The following CSMD1 variants were observed in gnomAD, a reference collection of about 807,000 sequenced individuals.
CSMD1 encodes the protein CUB and sushi domain-containing protein 1.
CSMD1 carries 213 observed loss-of-function variants against 417.5 expected under a neutral mutation model. The ratio of observed to expected loss-of-function variants is 0.51; its 90% CI spans 0.46 to 0.57. CSMD1 has a LOEUF of 0.57. Ranked by LOEUF, CSMD1 falls within the 20% of genes least tolerant of loss-of-function variation. The pLI, the probability that CSMD1 is intolerant of heterozygous loss-of-function variation, is 0.00. For missense variants in CSMD1, 6,923 were observed against 4,529.7 expected, an observed-to-expected ratio of 1.53 and a Z score of -15.17; for synonymous variants, 2,862 against 1,736.8, an observed-to-expected ratio of 1.65 and a Z score of -16.11.
chr8:4,202,096 T>TA (rs869071416), intron 3 of CSMD1, among the ~76,000 whole-genome samples: 1 of 8,606 alleles, frequency 1.2e-4, no homozygotes. Flanking sequence ...GTAAATTTTG[T>TA]TTTTTTGTTA....
chr8:3,636,293 G>T (rs116538877), intron 7 of CSMD1, among the ~76,000 whole-genome samples: 1,534 of 152,260 alleles, frequency 0.01, 31 homozygotes, highest in African/African-American at 0.035. Context: ...GGCCCTGCCT[G>T]AGGCTGTTGT....
intron 4 of CSMD1, among the ~76,000 whole-genome samples, chr8:4,020,506 C>G (rs1209297257): frequency 6.6e-6 from 1 of 152,150 alleles, no homozygotes; most frequent in South Asian, 2.1e-4. Context: ...CAGATCTCAC[C>G]TCTACTGCTT....
At chr8:3,292,714 G>A (rs149776694) in intron 25 of CSMD1, among the ~76,000 whole-genome samples, 3 of 152,136 alleles carry the variant, frequency 2.0e-5, no homozygotes, top group African/African-American at 4.8e-5. Flanking sequence ...TTGAGCCTAT[G>A]TGTGTCTCTG....
intron 7 of CSMD1, among the ~76,000 whole-genome samples, chr8:3,655,566 A>G (rs910746391): frequency 2.0e-5 from 3 of 152,020 alleles, no homozygotes; most frequent in Admixed American, 6.6e-5. Context: ...AGGTACCAAG[A>G]GAGAACCCCC....
intron 10 of CSMD1, among the ~76,000 whole-genome samples, chr8:3,494,713 G>T (rs1002829216): frequency 1.4e-5 from 2 of 146,420 alleles, no homozygotes; most frequent in African/African-American, 5.0e-5. Context: ...AGAGAGAGAT[G>T]TAACAAGAGA....
At chr8:3,480,339 T>C (rs989607830) in intron 11 of CSMD1, among the ~76,000 whole-genome samples, 1 of 151,990 alleles carries the variant, frequency 6.6e-6, no homozygotes, top group African/African-American at 2.4e-5. Context: ...TCCAGCCCCC[T>C]GGAGCAATGG....
intron 1 of CSMD1, among the ~76,000 whole-genome samples, chr8:4,711,228 T>C (rs749897241): frequency 3.9e-4 from 59 of 151,908 alleles, no homozygotes; most frequent in Non-Finnish European, 7.2e-4. Flanking sequence ...AAAATGTTAA[T>C]CATGCTATGA....
At chr8:4,960,051 G>C (rs947707602) in intron 1 of CSMD1, among the ~76,000 whole-genome samples, 5 of 152,208 alleles carry the variant, frequency 3.3e-5, no homozygotes, top group African/African-American at 1.2e-4. Context: ...CAGTTACTCA[G>C]AACAGTGCCT....
At chr8:4,144,616 G>T (rs984985694) in intron 3 of CSMD1, among the ~76,000 whole-genome samples, 1 of 150,988 alleles carries the variant, frequency 6.6e-6, no homozygotes, top group Non-Finnish European at 1.5e-5. Context: ...AGACAAGCTT[G>T]TTCTTGTTTG....
chr8:4,649,804 A>G (rs1436188116), intron 1 of CSMD1, among the ~76,000 whole-genome samples: 1 of 152,250 alleles, frequency 6.6e-6, no homozygotes, highest in South Asian at 2.1e-4. Flanking sequence ...GTTTTATTTC[A>G]TAAGTAACTA....
chr8:4,117,149 G>C lies in CSMD1; in HGVS notation c.416-85050C>G, dbSNP rs533290780. Among the ~76,000 whole-genome samples the C allele has an allele frequency of 7.2e-5, 11 of 151,828 alleles. No homozygotes were observed. The South Asian group carries it at 2.3e-3, about 32-fold the overall frequency. On this transcript the variant is annotated intron_variant, in intron 3 of 69. Coordinates refer to ENST00000635120, the MANE Select transcript of CSMD1 (RefSeq NM_033225.6). ...ACATTCTAGCCAAGGAGAAAAGACAGACACGTCCTCGAATTATCTGAGTAT... is the reference window on the plus strand; with the variant it reads ...ACATTCTAGCCAAGGAGAAAAGACACACACGTCCTCGAATTATCTGAGTAT...
intron 26 of CSMD1, among the ~76,000 whole-genome samples, chr8:3,251,038 C>T (rs1001544447): frequency 1.3e-5 from 2 of 152,124 alleles, no homozygotes; most frequent in African/African-American, 4.8e-5. Context: ...ATGGTAGTTT[C>T]TTTTGCTGTG....
intron 3 of CSMD1, among the ~76,000 whole-genome samples, chr8:4,135,216 G>T (rs1050162664): frequency 2.0e-5 from 3 of 152,008 alleles, no homozygotes; most frequent in Admixed American, 1.3e-4. Flanking sequence ...ACAATGTTGA[G>T]AATTAAGCTG....
chr8:3,031,558 C>G (rs1024852608), intron 50 of CSMD1, among the ~76,000 whole-genome samples: 1 of 152,006 alleles, frequency 6.6e-6, no homozygotes, highest in African/African-American at 2.4e-5. Flanking sequence ...TTCTTTCTTT[C>G]TTTGTTGTTT....
chr8:3,721,353 C>T (rs1246331467), intron 6 of CSMD1, among the ~76,000 whole-genome samples: 2 of 152,072 alleles, frequency 1.3e-5, no homozygotes, highest in African/African-American at 4.8e-5. Flanking sequence ...CTAGTGACGG[C>T]AGATGAAAGT....
intron 5 of CSMD1, among the ~76,000 whole-genome samples, chr8:3,855,810 G>C (rs146052393): frequency 0.016 from 2,402 of 152,248 alleles, 32 homozygotes; most frequent in Middle Eastern, 0.027. Flanking sequence ...ATTTTTACTA[G>C]TAGGGTATTA....
chr8:3,824,134 A>C (rs921574451), intron 5 of CSMD1, among the ~76,000 whole-genome samples: 2 of 152,154 alleles, frequency 1.3e-5, no homozygotes, highest in South Asian at 4.1e-4. Context: ...GAAATATCTC[A>C]TTCACCAGCC....
At chr8:4,191,205 G>A (rs76097879) in intron 3 of CSMD1, among the ~76,000 whole-genome samples, 4,333 of 152,208 alleles carry the variant, frequency 0.028, 215 homozygotes, top group African/African-American at 0.097. Context: ...GACCATCCCG[G>A]CTAACATGGT....
chr8:4,217,041 A>C (rs1800723007), intron 3 of CSMD1, among the ~76,000 whole-genome samples: 1 of 152,188 alleles, frequency 6.6e-6, no homozygotes, highest in South Asian at 2.1e-4. Flanking sequence ...CTTTGATGCT[A>C]ATGCATTAAA....
Sources: allele counts gnomAD v4.1 joint callset (sites outside exome capture counted in the v4.1 genomes callset), GRCh38; gene constraint gnomAD v4.1.1; transcripts MANE v1.5; gene names NCBI Gene and HGNC (gene_info 2026-07-23, HGNC 2026-07-21).